KIAA1328: variants seen among roughly 807,000 people sequenced by gnomAD.
The protein encoded by KIAA1328 is KIAA1328, also known as protein hinderin.
Under a neutral mutation model 68.1 loss-of-function variants are expected in KIAA1328, and 52 were observed. The ratio of observed to expected loss-of-function variants is 0.76; its 90% CI spans 0.61 to 0.96. The LOEUF is 0.96. KIAA1328 is among the 40% of genes least tolerant of loss of function. The pLI, the probability that KIAA1328 is intolerant of heterozygous loss-of-function variation, is 0.00. For missense variants in KIAA1328, 641 were observed against 677.6 expected, an observed-to-expected ratio of 0.95 and a Z score of 0.60; for synonymous variants, 232 against 239.4, an observed-to-expected ratio of 0.97 and a Z score of 0.28.
chr18:36,885,881 T>C, intron 5 of KIAA1328: 2 of 501,892 alleles, frequency 4.0e-6, no homozygotes, highest in Non-Finnish European at 7.0e-6. Context: ...CAGGCCCAGC[T>C]AATTTTCGTA....
intron 7 of KIAA1328, among the ~76,000 whole-genome samples, chr18:37,118,864 A>G (rs1252863270): frequency 6.6e-6 from 1 of 152,174 alleles, no homozygotes; most frequent in Non-Finnish European, 1.5e-5. Context: ...AAACAGCACC[A>G]TATATTAGAC....
intron 7 of KIAA1328, among the ~76,000 whole-genome samples, chr18:37,153,419 A>G (rs2059081018): frequency 6.6e-6 from 1 of 152,162 alleles, no homozygotes; most frequent in Non-Finnish European, 1.5e-5. Context: ...TTGTTGGAGA[A>G]AGGATATATC....
chr18:37,074,163 T>C (rs1009340059), intron 7 of KIAA1328, among the ~76,000 whole-genome samples: 1 of 152,224 alleles, frequency 6.6e-6, no homozygotes, highest in East Asian at 1.9e-4. Flanking sequence ...CGATATAGAC[T>C]GCTCCTTTCC....
intron 5 of KIAA1328, among the ~76,000 whole-genome samples, chr18:36,941,425 T>C (rs1385203722): frequency 6.6e-6 from 1 of 151,958 alleles, no homozygotes; most frequent in Non-Finnish European, 1.5e-5. Flanking sequence ...TAAAACCCTA[T>C]CTCAACCTAA....
At chr18:36,983,817 T>C (rs986073798) in intron 6 of KIAA1328, among the ~76,000 whole-genome samples, 3 of 152,132 alleles carry the variant, frequency 2.0e-5, no homozygotes, top group Non-Finnish European at 4.4e-5. Flanking sequence ...ACAAAAAAAT[T>C]GATATCCCTC....
chr18:37,103,232 A>G (rs150262735), intron 7 of KIAA1328, among the ~76,000 whole-genome samples: 24 of 152,342 alleles, frequency 1.6e-4, no homozygotes, highest in Admixed American at 6.5e-4. Flanking sequence ...AAAAGGTTAC[A>G]TCACACTACC....
intron 5 of KIAA1328, among the ~76,000 whole-genome samples, chr18:36,938,052 T>C (rs1391896900): frequency 6.6e-6 from 1 of 152,160 alleles, no homozygotes; most frequent in Non-Finnish European, 1.5e-5. Flanking sequence ...AATAGTGCTT[T>C]AATAAACATG....
At chr18:36,991,375 T>C (rs899005351) in intron 6 of KIAA1328, among the ~76,000 whole-genome samples, 3 of 152,160 alleles carry the variant, frequency 2.0e-5, no homozygotes, top group Non-Finnish European at 4.4e-5. Flanking sequence ...AATCTTTCCA[T>C]GTGCCAAAAA....
chr18:37,106,100 G>T (rs1009978182), intron 7 of KIAA1328, among the ~76,000 whole-genome samples: 9 of 151,790 alleles, frequency 5.9e-5, no homozygotes, highest in Non-Finnish European at 1.3e-4. Context: ...TATAATAGCT[G>T]AAAAATGGAA....
intron 4 of KIAA1328, among the ~76,000 whole-genome samples, chr18:36,881,208 A>G (rs1260381393): frequency 1.3e-5 from 2 of 150,840 alleles, no homozygotes. Context: ...AGTACTGTGT[A>G]TCATACTATC....
intron 5 of KIAA1328, among the ~76,000 whole-genome samples, chr18:36,920,046 C>A (rs1026543051): frequency 6.6e-6 from 1 of 152,046 alleles, no homozygotes; most frequent in Non-Finnish European, 1.5e-5. Flanking sequence ...TTGATAGTTT[C>A]TTTTGCTGGG....
intron 9 of KIAA1328, among the ~76,000 whole-genome samples, chr18:37,180,575 A>G (rs1050315895): frequency 1.3e-5 from 2 of 152,130 alleles, no homozygotes; most frequent in Non-Finnish European, 2.9e-5. Flanking sequence ...TCAATTATGC[A>G]TAGCAGTCAG....
rs117826931 is a variant in KIAA1328, at chr18:37,197,943, A to C, written c.1524-24074A>C. 3.5e-3 allele frequency among the ~76,000 whole-genome samples: 539 copies of C among 152,316 alleles called. 8 individuals carry two copies. Among genetic ancestry groups the C allele is most frequent in the East Asian group, 0.031 (161 of 5,184 alleles). ...TTCATAGTAGAAAAAAGGTGGACAC[A>C]ACTTAATGTCCATCATGTGATGAAT... On this transcript the variant is annotated intron_variant, in intron 9 of 9. Coordinates refer to ENST00000280020, the MANE Select transcript of KIAA1328 (RefSeq NM_020776.3).
At chr18:37,062,369 A>C (rs2056182032) in intron 6 of KIAA1328, among the ~76,000 whole-genome samples, 1 of 151,984 alleles carries the variant, frequency 6.6e-6, no homozygotes. Context: ...AATTTTATAA[A>C]TTGGTGCCCT....
downstream of KIAA1328, chr18:37,229,798 A>C (rs2060656611): frequency 5.4e-6 from 1 of 186,792 alleles, no homozygotes; most frequent in Non-Finnish European, 1.1e-5. Context: ...AGGCAGGAGA[A>C]TCACTTGAAC....
chr18:37,011,609 A>G (rs1342271317), intron 6 of KIAA1328, among the ~76,000 whole-genome samples: 1 of 152,218 alleles, frequency 6.6e-6, no homozygotes, highest in Non-Finnish European at 1.5e-5. Flanking sequence ...TATTCACTAA[A>G]AAAAGGAAAT....
chr18:37,046,757 C>T (rs1351971233), intron 6 of KIAA1328, among the ~76,000 whole-genome samples: 2 of 152,168 alleles, frequency 1.3e-5, no homozygotes, highest in Non-Finnish European at 2.9e-5. Flanking sequence ...GAATTTTGCT[C>T]TCCTAGACCC....
chr18:37,009,733 G>A (rs910207031), intron 6 of KIAA1328, among the ~76,000 whole-genome samples: 1 of 152,136 alleles, frequency 6.6e-6, no homozygotes, highest in Non-Finnish European at 1.5e-5. Flanking sequence ...CGATTTTATG[G>A]ATATAAGATG....
At chr18:37,161,540 T>G (rs1268579802) in intron 8 of KIAA1328, among the ~76,000 whole-genome samples, 6 of 152,266 alleles carry the variant, frequency 3.9e-5, no homozygotes, top group African/African-American at 4.8e-5. Flanking sequence ...CTTAGAAGCT[T>G]CTTTTTAGAC....
Sources: allele counts gnomAD v4.1 joint callset (sites outside exome capture counted in the v4.1 genomes callset), GRCh38; gene constraint gnomAD v4.1.1; transcripts MANE v1.5; gene names NCBI Gene and HGNC (gene_info 2026-07-23, HGNC 2026-07-21).